Variants in CSMD1 observed in about 807,000 individuals in gnomAD.
CSMD1 encodes CUB and Sushi multiple domains 1, also known as CUB and sushi domain-containing protein 1.
CSMD1 carries 213 observed loss-of-function variants against 417.5 expected under a neutral mutation model. The observed-to-expected ratio is 0.51, with a 90% CI of 0.46 to 0.57. The LOEUF (loss-of-function observed/expected upper bound fraction) is 0.57. Among genes scored for constraint, CSMD1 ranks in the 20% least tolerant of loss-of-function variants. The pLI, the probability that CSMD1 is intolerant of heterozygous loss-of-function variation, is 0.00. For synonymous variants in CSMD1, 2,862 were observed against 1,736.8 expected, an observed-to-expected ratio of 1.65 and a Z score of -16.11; for missense variants, 6,923 against 4,529.7, an observed-to-expected ratio of 1.53 and a Z score of -15.17.
At chr8:4,367,292 C>A (rs1802134269) in intron 3 of CSMD1, among the ~76,000 whole-genome samples, 1 of 152,072 alleles carries the variant, frequency 6.6e-6, no homozygotes, top group South Asian at 2.1e-4. Flanking sequence ...GACAGTTTTC[C>A]CAGCTCCATT....
intron 3 of CSMD1, among the ~76,000 whole-genome samples, chr8:4,241,395 G>A (rs921360678): frequency 6.6e-6 from 1 of 152,116 alleles, no homozygotes; most frequent in Non-Finnish European, 1.5e-5. Context: ...TCCCACTTAA[G>A]TACTTGCTAA....
chr8:4,436,306 G>A (rs1312158923), intron 2 of CSMD1, among the ~76,000 whole-genome samples: 1 of 151,910 alleles, frequency 6.6e-6, no homozygotes, highest in African/African-American at 2.4e-5. Context: ...CATCTTATCT[G>A]TTTTTGTCAC....
chr8:3,006,727 A>C (rs1290255716), intron 52 of CSMD1, among the ~76,000 whole-genome samples: 1 of 151,778 alleles, frequency 6.6e-6, no homozygotes, highest in African/African-American at 2.4e-5. Flanking sequence ...CATATGTAGA[A>C]AGCTGAAACT....
intron 26 of CSMD1, among the ~76,000 whole-genome samples, chr8:3,251,647 C>T (rs995193077): frequency 3.3e-5 from 5 of 152,126 alleles, no homozygotes; most frequent in African/African-American, 1.2e-4. Flanking sequence ...CTATCAATTA[C>T]CTTGGGCAGC....
intron 2 of CSMD1, among the ~76,000 whole-genome samples, chr8:4,490,592 A>G (rs1801649810): frequency 6.6e-6 from 1 of 152,226 alleles, no homozygotes. Flanking sequence ...AGGAGATCAC[A>G]AACAAGAGAA....
chr8:3,301,709 A>C (rs1804422010), intron 25 of CSMD1, among the ~76,000 whole-genome samples: 1 of 152,150 alleles, frequency 6.6e-6, no homozygotes, highest in South Asian at 2.1e-4. Flanking sequence ...GGAAAGCCGC[A>C]CTAAGCCAAA....
chr8:3,402,967 A>G (rs1812131215), intron 15 of CSMD1, among the ~76,000 whole-genome samples: 1 of 152,184 alleles, frequency 6.6e-6, no homozygotes, highest in Admixed American at 6.5e-5. Flanking sequence ...CATAGAAAGT[A>G]CTGTTCTAAT....
At chr8:3,433,022 G>A (rs960403154) in intron 12 of CSMD1, among the ~76,000 whole-genome samples, 2 of 152,128 alleles carry the variant, frequency 1.3e-5, no homozygotes, top group Non-Finnish European at 2.9e-5. Flanking sequence ...GTGCAAACAA[G>A]TCATTGAAAA....
In CSMD1 at chr8:4,730,103, C is replaced by T. The variant is rs541781866; in HGVS notation, c.86-92545G>A. Among the ~76,000 whole-genome samples the T allele has an allele frequency of 7.2e-5, 11 of 152,224 alleles. 1 individual carries two copies. Among genetic ancestry groups the T allele is most frequent in the African/African-American group, 2.2e-4 (9 of 41,528 alleles). ...GTATGACATCTTTATTACCCCTTTT[C>T]GTCTCCGCACTTAGAAGCATTGAGA... On this transcript the variant is annotated intron_variant, in intron 1 of 69. Transcript: ENST00000635120.
chr8:4,048,059 T>A (rs1053156745), intron 3 of CSMD1, among the ~76,000 whole-genome samples: 1 of 152,190 alleles, frequency 6.6e-6, no homozygotes, highest in African/African-American at 2.4e-5. Flanking sequence ...TTCATTCTTT[T>A]CCAAATATTT....
intron 3 of CSMD1, among the ~76,000 whole-genome samples, chr8:4,074,956 A>G (rs903984076): frequency 6.6e-6 from 1 of 152,146 alleles, no homozygotes; most frequent in Non-Finnish European, 1.5e-5. Context: ...TTTGTGTGAC[A>G]GTTTGAGTCT....
intron 3 of CSMD1, among the ~76,000 whole-genome samples, chr8:4,059,835 T>G (rs913358776): frequency 1.8e-4 from 27 of 149,810 alleles, no homozygotes; most frequent in African/African-American, 6.6e-4. Context: ...CAGGACCAGA[T>G]GGATTCACAG....
At chr8:3,765,972 T>C (rs1798246419) in intron 5 of CSMD1, among the ~76,000 whole-genome samples, 1 of 152,222 alleles carries the variant, frequency 6.6e-6, no homozygotes, top group Non-Finnish European at 1.5e-5. Flanking sequence ...CATCAGGAAT[T>C]AACCCAGAGG....
At chr8:3,682,742 C>T (rs921236730) in intron 7 of CSMD1, among the ~76,000 whole-genome samples, 22 of 152,130 alleles carry the variant, frequency 1.4e-4, no homozygotes, top group East Asian at 1.3e-3. Flanking sequence ...CACATGCACA[C>T]GTATGTTTAT....
intron 6 of CSMD1, among the ~76,000 whole-genome samples, chr8:3,735,963 G>A (rs1174357597): frequency 3.9e-5 from 6 of 152,006 alleles, no homozygotes; most frequent in Non-Finnish European, 8.8e-5. Flanking sequence ...CAGTAGACAG[G>A]TAAATGGGTA....
At chr8:4,383,174 A>G (rs1803216573) in intron 3 of CSMD1, among the ~76,000 whole-genome samples, 1 of 152,176 alleles carries the variant, frequency 6.6e-6, no homozygotes, top group Non-Finnish European at 1.5e-5. Flanking sequence ...TTAGCTCCAG[A>G]TGACATTCAG....
In CSMD1 at chr8:3,465,621, G is replaced by C. The variant is rs73660036; in HGVS notation, c.1561+3091C>G. On this transcript the variant is annotated intron_variant, in intron 12 of 69. Coordinates refer to ENST00000635120, the MANE Select transcript of CSMD1 (RefSeq NM_033225.6). ...GGTTAGAAGTGTGATCCGAAGATTT[G>C]AGGGTCCCCGAAATATTTTACACTA... Among the ~76,000 whole-genome samples, 321 of 152,266 alleles carry C rather than the reference G, an allele frequency of 2.1e-3. 5 individuals are homozygous for C. The highest frequency in any genetic ancestry group is 7.4e-3 in the African/African-American group (308 of 41,542).
chr8:4,703,500 C>T (rs1807718855), intron 1 of CSMD1, among the ~76,000 whole-genome samples: 1 of 152,074 alleles, frequency 6.6e-6, no homozygotes, highest in African/African-American at 2.4e-5. Context: ...AACATGTATA[C>T]TTCATGAAAG....
chr8:3,856,739 G>C lies in CSMD1; in HGVS notation c.819-102697C>G, dbSNP rs139370240. Among the ~76,000 whole-genome samples, 559 of 152,286 alleles carry C rather than the reference G, an allele frequency of 3.7e-3. 3 individuals are homozygous for C. The highest frequency in any genetic ancestry group is 7.3e-3 in the African/African-American group (305 of 41,554). ...TTTCCTCAAAAATCTTTCAAAGCCT[G>C]TGTTTCCTTTGCCATGGTGTCTTTG... On this transcript the variant is annotated intron_variant, in intron 5 of 69. Transcript: ENST00000635120.
Sources: gnomAD v4.1 joint callset for allele counts (sites outside exome capture counted in the v4.1 genomes callset) on GRCh38, gnomAD v4.1.1 for gene constraint, MANE v1.5 for transcripts, NCBI Gene and HGNC (gene_info 2026-07-23, HGNC 2026-07-21) for gene names.